RNF212B: variants seen among roughly 807,000 people sequenced by gnomAD.
The protein encoded by RNF212B is E3 ubiquitin-protein ligase RNF212B.
Under a neutral mutation model 55.5 loss-of-function variants are expected in RNF212B, and 52 were observed. The observed-to-expected ratio is 0.94, with a 90% confidence interval of 0.75 to 1.18. The LOEUF is 1.18. Among genes scored for constraint, RNF212B ranks in the 50% most tolerant of loss-of-function variants. RNF212B has a pLI of 0.00. For missense variants in RNF212B, 289 were observed against 350.4 expected (o/e 0.82, Z 1.40); for synonymous variants, 99 against 121.4 (o/e 0.82, Z 1.21).
intron 2 of RNF212B, among the ~76,000 whole-genome samples, chr14:23,229,408 G>A (rs1348728049): frequency 6.6e-6 from 1 of 151,442 alleles, no homozygotes; most frequent in Admixed American, 6.6e-5. Context: ...CCTAGGAATG[G>A]AATTGCTGGG....
At chr14:23,203,888 A>G (rs957382205) in intron 2 of RNF212B, among the ~76,000 whole-genome samples, 6 of 152,194 alleles carry the variant, frequency 3.9e-5, no homozygotes, top group Non-Finnish European at 8.8e-5. Context: ...CCATGCCAAC[A>G]TCTACAGTTT....
chr14:23,262,658 C>G lies in RNF212B; in HGVS notation c.435-7C>G. On this transcript the variant is annotated splice_polypyrimidine_tract_variant and splice_region_variant and intron_variant, in intron 7 of 14. Coordinates refer to ENST00000430154, the MANE Select transcript of RNF212B (RefSeq NM_001282322.3). ...ATTAGAGCCGCCTCTTTTTTTTTCCCTTGCAGGTCAATCACACCTCGACCA... is the reference window on the plus strand; with the variant it reads ...ATTAGAGCCGCCTCTTTTTTTTTCCGTTGCAGGTCAATCACACCTCGACCA... 6.5e-7 allele frequency: 1 copy of G among 1,544,670 alleles called. No homozygotes were observed. The highest frequency in any genetic ancestry group is 1.2e-5 in the South Asian group (1 of 83,238).
chr14:23,200,155 G>A (rs1879148960), intron 2 of RNF212B, among the ~76,000 whole-genome samples: 1 of 151,742 alleles, frequency 6.6e-6, no homozygotes, highest in Non-Finnish European at 1.5e-5. Context: ...ATTATGCTTG[G>A]CCAAATTATT....
At chr14:23,210,776 CAA>C (rs1160221876) in intron 2 of RNF212B, among the ~76,000 whole-genome samples, 3 of 60,826 alleles carry the variant, frequency 4.9e-5, no homozygotes, top group African/African-American at 7.6e-5. Context: ...GACTCTGTCT[CAA>C]AAAAAAAAAA....
intron 2 of RNF212B, among the ~76,000 whole-genome samples, chr14:23,211,930 G>A (rs929530677): frequency 5.9e-5 from 9 of 152,192 alleles, no homozygotes; most frequent in African/African-American, 2.2e-4. Flanking sequence ...GTTTTGCCAT[G>A]TTGGCCAGGC....
At chr14:23,221,094 A>G (rs1221095411) in intron 2 of RNF212B, among the ~76,000 whole-genome samples, 1 of 152,022 alleles carries the variant, frequency 6.6e-6, no homozygotes, top group Non-Finnish European at 1.5e-5. Context: ...ACCTAGAAGA[A>G]ATACACTTCA....
At chr14:23,187,176 A>G (rs1278074974) in intron 1 of RNF212B, among the ~76,000 whole-genome samples, 1 of 152,222 alleles carries the variant, frequency 6.6e-6, no homozygotes, top group African/African-American at 2.4e-5. Flanking sequence ...CCCTTTAACT[A>G]GGGAAAATTA....
intron 4 of RNF212B, among the ~76,000 whole-genome samples, chr14:23,245,530 A>C (rs1389897905): frequency 6.6e-6 from 1 of 152,210 alleles, no homozygotes. Context: ...TCAAGTATCA[A>C]GATAAAAGAA....
chr14:23,231,964 G>T (rs1882658470), intron 2 of RNF212B, among the ~76,000 whole-genome samples: 1 of 152,182 alleles, frequency 6.6e-6, no homozygotes, highest in South Asian at 2.1e-4. Flanking sequence ...GCCCAGGCTG[G>T]AGTGCAGTGG....
At chr14:23,232,402 C>T (rs1235678817) in intron 2 of RNF212B, among the ~76,000 whole-genome samples, 10 of 151,518 alleles carry the variant, frequency 6.6e-5, no homozygotes, top group Non-Finnish European at 1.5e-5. Context: ...ATCCCCTCCG[C>T]CCGGCAGCCG....
chr14:23,223,242 A>G (rs1566408125), intron 2 of RNF212B, among the ~76,000 whole-genome samples: 1 of 152,182 alleles, frequency 6.6e-6, no homozygotes, highest in Non-Finnish European at 1.5e-5. Flanking sequence ...ATGTCACTTC[A>G]TGACAAAAAA....
chr14:23,255,842 C>G (rs1884789979), intron 4 of RNF212B, among the ~76,000 whole-genome samples: 1 of 152,144 alleles, frequency 6.6e-6, no homozygotes, highest in Non-Finnish European at 1.5e-5. Flanking sequence ...AAGTACTGTA[C>G]TGAGGTACAT....
At chr14:23,225,630 A>G (rs1462035048) in intron 2 of RNF212B, among the ~76,000 whole-genome samples, 1 of 151,182 alleles carries the variant, frequency 6.6e-6, no homozygotes. Flanking sequence ...GATAGAGAAT[A>G]GAAGGATGGT....
intron 4 of RNF212B, among the ~76,000 whole-genome samples, chr14:23,257,139 C>T (rs547315449): frequency 2.1e-4 from 32 of 151,052 alleles, no homozygotes; most frequent in Non-Finnish European, 3.4e-4. Context: ...GGCGACAGAG[C>T]GAGACTCAGT....
At chr14:23,261,110 T>C (rs1885266056) in intron 7 of RNF212B, among the ~76,000 whole-genome samples, 1 of 152,130 alleles carries the variant, frequency 6.6e-6, no homozygotes, top group Non-Finnish European at 1.5e-5. Context: ...AGACCTCACA[T>C]TCTGTATTTG....
At chr14:23,250,482 CAA>C (rs34825470) in intron 4 of RNF212B, among the ~76,000 whole-genome samples, 13 of 116,686 alleles carry the variant, frequency 1.1e-4, no homozygotes, top group Non-Finnish European at 8.9e-5. Context: ...GACTCTGTCT[CAA>C]AAAAAAAAAA....
chr14:23,193,372 G>A (rs2331939), exon 2 of RNF212B: 6,503 of 152,232 alleles, frequency 0.043, 186 homozygotes, highest in Non-Finnish European at 0.061. Flanking sequence ...ATAAGTAAAG[G>A]AGGAAGAAGA....
chr14:23,220,220 A>G, intron 2 of RNF212B, among the ~76,000 whole-genome samples: 1 of 151,412 alleles, frequency 6.6e-6, no homozygotes, highest in African/African-American at 2.4e-5. Context: ...AAAAACAAAA[A>G]CAAAAACAAA....
At chr14:23,202,618 G>A (rs1354849568) in intron 2 of RNF212B, among the ~76,000 whole-genome samples, 3 of 152,310 alleles carry the variant, frequency 2.0e-5, no homozygotes, top group East Asian at 1.9e-4. Flanking sequence ...TCGGGAGGCC[G>A]AGGCGGGTGG....
Sources: allele counts gnomAD v4.1 joint callset (sites outside exome capture counted in the v4.1 genomes callset), GRCh38; gene constraint gnomAD v4.1.1; transcripts MANE v1.5; gene names NCBI Gene and HGNC (gene_info 2026-07-23, HGNC 2026-07-21).